The following TBCE variants were observed in gnomAD, a reference collection of about 807,000 sequenced individuals.
TBCE encodes the protein tubulin-specific chaperone E.
A neutral mutation model predicts 77.0 loss-of-function variants in TBCE; 53 were observed. The ratio of observed to expected loss-of-function variants is 0.69; its 90% CI spans 0.55 to 0.87. The LOEUF (loss-of-function observed/expected upper bound fraction) is 0.87, where lower values mean the gene tolerates loss of function less well. TBCE is among the 40% of genes least tolerant of loss of function. TBCE has a pLI of 0.00. For missense variants in TBCE, 624 were observed against 622.4 expected (o/e 1.00, Z -0.03); for synonymous variants, 235 against 241.3 (o/e 0.97, Z 0.24).
chr1:235,383,759 C>A (rs1228668093), intron 2 of TBCE, among the ~76,000 whole-genome samples: 4 of 152,194 alleles, frequency 2.6e-5, no homozygotes, highest in African/African-American at 9.6e-5. Context: ...ATGTCATCTG[C>A]AAATAGGGAT....
intron 2 of TBCE, among the ~76,000 whole-genome samples, chr1:235,401,255 A>C (rs1184838157): frequency 6.6e-6 from 1 of 151,998 alleles, no homozygotes; most frequent in Non-Finnish European, 1.5e-5. Context: ...AGTTTTGTTT[A>C]GTGTGCTCAA....
chr1:235,379,499 G>A (rs987194175), intron 1 of TBCE, among the ~76,000 whole-genome samples: 1 of 152,102 alleles, frequency 6.6e-6, no homozygotes, highest in African/African-American at 2.4e-5. Flanking sequence ...CAGCACTCCA[G>A]CCTGGGCAAC....
At chr1:235,434,526 T>G (rs549528157) in intron 8 of TBCE, among the ~76,000 whole-genome samples, 77 of 128,214 alleles carry the variant, frequency 6.0e-4, no homozygotes, top group African/African-American at 2.6e-3. Flanking sequence ...TGTATTAACT[T>G]GCTGTTTCTT....
intron 2 of TBCE, among the ~76,000 whole-genome samples, chr1:235,394,176 G>C (rs532394595): frequency 2.0e-5 from 3 of 152,040 alleles, no homozygotes; most frequent in Non-Finnish European, 4.4e-5. Context: ...CTGGGTTCAC[G>C]CCATTCTCCT....
rs79490393 is a variant in TBCE, at chr1:235,441,776, T to A, written c.1271-38T>A. ...TGTTTTGTTTTTACTTATAGTGGCCTTTGGTTTATCATTCATCTCTTTTGC... is the reference window on the plus strand; with the variant it reads ...TGTTTTGTTTTTACTTATAGTGGCCATTGGTTTATCATTCATCTCTTTTGC... On this transcript the variant is annotated intron_variant, in intron 13 of 16. Transcript: ENST00000642610. 1.7e-4 allele frequency: 263 copies of A among 1,590,180 alleles called. 1 individual carries two copies. In the African/African-American group the frequency reaches 3.3e-3, roughly 20 times the overall value.
At chr1:235,396,401 C>T (rs1283525200) in intron 2 of TBCE, among the ~76,000 whole-genome samples, 1 of 152,190 alleles carries the variant, frequency 6.6e-6, no homozygotes, top group African/African-American at 2.4e-5. Flanking sequence ...TTGATGGACA[C>T]TTAGGTTGAT....
intron 11 of TBCE, 103 bp downstream of exon 11, chr1:235,436,711 T>C: frequency 8.5e-7 from 1 of 1,179,760 alleles, no homozygotes; most frequent in Non-Finnish European, 1.3e-6. Flanking sequence ...GAAATTTAAA[T>C]CGAAAGAGAA....
chr1:235,426,093 A>T (rs1328021031), intron 5 of TBCE, among the ~76,000 whole-genome samples: 1 of 152,016 alleles, frequency 6.6e-6, no homozygotes, highest in Admixed American at 6.6e-5. Context: ...CCACACATAC[A>T]CATATTAGAT....
At chr1:235,446,167 A>G (rs1682259815) in intron 15 of TBCE, among the ~76,000 whole-genome samples, 2 of 151,010 alleles carry the variant, frequency 1.3e-5, no homozygotes, top group South Asian at 4.2e-4. Context: ...TCAATATATT[A>G]TAAAACCTAT....
At chr1:235,419,252 T>A (rs1680261309) in intron 4 of TBCE, 1 of 640,628 alleles carries the variant, frequency 1.6e-6, no homozygotes, top group East Asian at 2.8e-5. Context: ...GGGAGAATTG[T>A]GTTTGGAGAG....
rs1356641770 is a variant in TBCE, at chr1:235,398,774, G to A, written c.101-2729G>A. On this transcript the variant is annotated intron_variant, in intron 2 of 16. Coordinates refer to ENST00000642610, the MANE Select transcript of TBCE (RefSeq NM_003193.5). Reference sequence around the variant, plus strand: ...ACAGCTACTGTAGTCCCAGCTACTCGGAAGGCTAAGGCAAAAGAATCGCTT... The same window carrying A: ...ACAGCTACTGTAGTCCCAGCTACTCAGAAGGCTAAGGCAAAAGAATCGCTT... Among the ~76,000 whole-genome samples the A allele has an allele frequency of 2.3e-5, 3 of 131,806 alleles. No homozygotes were observed. In the East Asian group the frequency reaches 8.1e-4, roughly 36 times the overall value. 86.5% of individuals were successfully genotyped at this position (131,806 alleles called of 152,430 possible). A position where few individuals can be genotyped will look rare whatever the true frequency, so the allele number is the denominator to read the frequency against.
At chr1:235,387,539 A>G (rs946660419) in intron 2 of TBCE, among the ~76,000 whole-genome samples, 1 of 152,176 alleles carries the variant, frequency 6.6e-6, no homozygotes, top group Admixed American at 6.5e-5. Flanking sequence ...GCTGCCTTGC[A>G]GTTTGATCTC....
At chr1:235,446,670 C>T (rs897375277) in intron 15 of TBCE, among the ~76,000 whole-genome samples, 13 of 149,302 alleles carry the variant, frequency 8.7e-5, no homozygotes, top group African/African-American at 2.9e-4. Flanking sequence ...CTACTTTCTT[C>T]TATAGAACCG....
In TBCE at chr1:235,368,979, T is replaced by A. The variant is rs192830035; in HGVS notation, c.-32+1475T>A. Among the ~76,000 whole-genome samples, 286 of 152,280 alleles carry A rather than the reference T, an allele frequency of 1.9e-3. 2 individuals carry two copies. Among genetic ancestry groups the A allele is most frequent in the African/African-American group, 6.6e-3 (276 of 41,562 alleles). On this transcript the variant is annotated intron_variant, in intron 1 of 16. Transcript: ENST00000642610. ...CCCTGATTAATCTCTTCCATATATATCAGCAAATCCTATGGACTCTCCACC... is the reference window on the plus strand; with the variant it reads ...CCCTGATTAATCTCTTCCATATATAACAGCAAATCCTATGGACTCTCCACC...
At chr1:235,369,851 G>A (rs941567205) in intron 1 of TBCE, among the ~76,000 whole-genome samples, 3 of 149,300 alleles carry the variant, frequency 2.0e-5, no homozygotes, top group South Asian at 2.1e-4. Context: ...AAAAAAAGCC[G>A]AAGTCTTCAG....
chr1:235,383,606 G>T (rs924373158), intron 2 of TBCE, among the ~76,000 whole-genome samples: 8 of 152,174 alleles, frequency 5.3e-5, no homozygotes, highest in African/African-American at 1.7e-4. Flanking sequence ...CTCATGATTT[G>T]GCTCTCTGTT....
At chr1:235,431,213 C>A (rs12726892) in intron 7 of TBCE, among the ~76,000 whole-genome samples, 1 of 151,990 alleles carries the variant, frequency 6.6e-6, no homozygotes, top group Admixed American at 6.6e-5. Context: ...GTTAGAAGTT[C>A]GGCTCTTGGA....
intron 2 of TBCE, among the ~76,000 whole-genome samples, chr1:235,381,492 G>T (rs1363474659): frequency 6.6e-6 from 1 of 151,706 alleles, no homozygotes; most frequent in African/African-American, 2.4e-5. Context: ...AGACCATCCT[G>T]GCTAACACGG....
chr1:235,413,081 G>A (rs1679905969), intron 3 of TBCE, among the ~76,000 whole-genome samples: 1 of 152,202 alleles, frequency 6.6e-6, no homozygotes, highest in Non-Finnish European at 1.5e-5. Flanking sequence ...GGGATTATAG[G>A]CATGAGCTAC....
Sources: allele counts gnomAD v4.1 joint callset (sites outside exome capture counted in the v4.1 genomes callset), GRCh38; gene constraint gnomAD v4.1.1; transcripts MANE v1.5; gene names NCBI Gene and HGNC (gene_info 2026-07-23, HGNC 2026-07-21).